The following C2CD3 variants were observed in gnomAD, a reference collection of about 807,000 sequenced individuals.
C2CD3 encodes C2 domain-containing protein 3.
C2CD3 carries 148 observed loss-of-function variants against 234.0 expected under a neutral mutation model. The observed-to-expected ratio is 0.63, with a 90% CI of 0.55 to 0.72. The LOEUF (loss-of-function observed/expected upper bound fraction) is 0.72, where lower values mean the gene tolerates loss of function less well. Among genes scored for constraint, C2CD3 ranks in the 30% least tolerant of loss-of-function variants. The pLI is 0.00. For synonymous variants in C2CD3, 1,000 were observed against 1,035.4 expected, an observed-to-expected ratio of 0.97 and a Z score of 0.66; for missense variants, 2,577 against 2,811.5, an observed-to-expected ratio of 0.92 and a Z score of 1.89.
intron 23 of C2CD3, 69 bp from the exon 24 acceptor site, chr11:74,074,669 ACT>A: frequency 7.9e-7 from 1 of 1,268,016 alleles, no homozygotes; most frequent in South Asian, 1.4e-5. Flanking sequence ...GGAAATACTC[ACT>A]GAGGGTGCTG....
At chr11:74,093,115 C>T (rs563218803) in intron 18 of C2CD3, among the ~76,000 whole-genome samples, 4 of 151,946 alleles carry the variant, frequency 2.6e-5, no homozygotes, top group East Asian at 1.9e-4. Flanking sequence ...AAAGTGTTCT[C>T]GCATGTGGAT....
At chr11:74,170,704 T>C in intron 1 of C2CD3, 34 bp downstream of exon 1, 1 of 1,613,986 alleles carries the variant, frequency 6.2e-7, no homozygotes, top group South Asian at 1.1e-5. Context: ...GCTCTCCTAT[T>C]ACGCTTTCCT....
intron 32 of C2CD3, among the ~76,000 whole-genome samples, chr11:74,025,715 G>A (rs965469299): frequency 5.9e-5 from 9 of 152,102 alleles, no homozygotes; most frequent in African/African-American, 1.9e-4. Flanking sequence ...GGGAGGATAC[G>A]AGGGCTGGAG....
At position 74,103,588 on chromosome 11, in the gene C2CD3, G is replaced by T. The variant is rs1334131537; in HGVS notation, c.2123C>A (p.Thr708Asn). 1 of 1,612,628 alleles carries T rather than the reference G, an allele frequency of 6.2e-7. No individual in the cohort carries two copies. Among genetic ancestry groups the T allele is most frequent in the African/African-American group, 1.3e-5 (1 of 74,872 alleles). The change falls in exon 14 of 33, where the codon ACT (threonine) becomes AAT (asparagine). Residue 708 changes from threonine to asparagine, a missense_variant. Coordinates refer to ENST00000334126, the MANE Select transcript of C2CD3 (RefSeq NM_001286577.2). ...MELITDNKDF[T>N]GINTKLSGNT... ...GCCACTTAACTTAGTATTGATACCA[G>T]TGAAATCTTTGTTATCTGTAATAAG...
At chr11:74,151,668 T>G (rs986282411) in intron 3 of C2CD3, among the ~76,000 whole-genome samples, 4 of 152,250 alleles carry the variant, frequency 2.6e-5, no homozygotes, top group Admixed American at 2.0e-4. Flanking sequence ...AAGTGCACAA[T>G]TTATAAAATT....
chr11:74,021,543 C>T (rs528147285), intron 32 of C2CD3, among the ~76,000 whole-genome samples: 4 of 152,146 alleles, frequency 2.6e-5, no homozygotes, highest in East Asian at 1.9e-4. Flanking sequence ...CAAGGCAGAG[C>T]GGGAGCAGCC....
At chr11:74,089,213 G>A (rs1297995328) in intron 20 of C2CD3, among the ~76,000 whole-genome samples, 1 of 152,108 alleles carries the variant, frequency 6.6e-6, no homozygotes, top group African/African-American at 2.4e-5. Context: ...CTGCTTTACT[G>A]TCTCAGTGAT....
At chr11:74,136,122 G>GAA (rs575109310) in intron 5 of C2CD3, among the ~76,000 whole-genome samples, 1 of 133,422 alleles carries the variant, frequency 7.5e-6, no homozygotes. Context: ...AAATAAAATT[G>GAA]AAAAAAAAAA....
intron 32 of C2CD3, among the ~76,000 whole-genome samples, chr11:74,019,593 T>A (rs1952007072): frequency 6.6e-6 from 1 of 152,162 alleles, no homozygotes; most frequent in Admixed American, 6.5e-5. Context: ...ACTGATCTGA[T>A]CTGGTGGCTT....
intron 30 of C2CD3, chr11:74,036,529 A>G (rs1453198788): frequency 2.2e-6 from 1 of 455,870 alleles, no homozygotes. Context: ...AGTGTTAATC[A>G]AGGTGTTTTT....
intron 24 of C2CD3, among the ~76,000 whole-genome samples, chr11:74,067,539 A>G (rs1294366241): frequency 6.6e-6 from 1 of 151,950 alleles, no homozygotes; most frequent in Non-Finnish European, 1.5e-5. Context: ...GAGTTACAGC[A>G]TATTTTTGAA....
At chr11:74,067,162 T>C (rs1954581025) in intron 24 of C2CD3, among the ~76,000 whole-genome samples, 2 of 152,076 alleles carry the variant, frequency 1.3e-5, no homozygotes, top group Admixed American at 1.3e-4. Context: ...TTTTCAGTCA[T>C]TTGTACTGGA....
At chr11:74,022,210 C>T (rs577492959) in intron 32 of C2CD3, among the ~76,000 whole-genome samples, 1 of 152,008 alleles carries the variant, frequency 6.6e-6, no homozygotes, top group South Asian at 2.1e-4. Context: ...GCTTAGGTGG[C>T]AGAATTAACA....
chr11:74,117,074 GAA>G (rs1957009283), intron 9 of C2CD3, among the ~76,000 whole-genome samples: 4 of 48,918 alleles, frequency 8.2e-5, no homozygotes, highest in Non-Finnish European at 1.3e-4. Context: ...ATATATATAT[GAA>G]TATATATATG....
intron 6 of C2CD3, 136 bp from the exon 7 acceptor site, chr11:74,133,108 T>G: frequency 1.2e-6 from 1 of 813,046 alleles, no homozygotes; most frequent in Non-Finnish European, 2.0e-6. Context: ...TAAATAAAAC[T>G]TTACACTTTG....
intron 13 of C2CD3, among the ~76,000 whole-genome samples, chr11:74,104,666 G>A (rs1956443911): frequency 6.6e-6 from 1 of 152,102 alleles, no homozygotes; most frequent in Non-Finnish European, 1.5e-5. Context: ...AAAGAAAAGG[G>A]AAGCAGGATA....
At position 74,054,655 on chromosome 11, in the gene C2CD3, G is replaced by A; in HGVS notation, c.5107C>T (p.Leu1703Phe). The A allele has an allele frequency of 6.2e-7, 1 of 1,612,270 alleles. No individual in the cohort carries two copies. The highest frequency in any genetic ancestry group is 8.5e-7 in the Non-Finnish European group (1 of 1,178,950). The change falls in exon 26 of 33, where the codon CTT becomes TTT. Residue 1703 changes from leucine to phenylalanine, a missense_variant. Coordinates refer to ENST00000334126, the MANE Select transcript of C2CD3 (RefSeq NM_001286577.2). ...QQQSRLSKEL[L>F]LDPQQTLVFK... ...ACCAGGGTTTGTTGTGGGTCCAGAA[G>A]CAGCTCTTTTGATAGCCTATTAAGA... is the stretch of plus-strand genomic sequence containing the variant.
chr11:74,018,898 G>T (rs1951974744), intron 32 of C2CD3, among the ~76,000 whole-genome samples: 1 of 152,054 alleles, frequency 6.6e-6, no homozygotes, highest in South Asian at 2.1e-4. Flanking sequence ...TTACCGATAT[G>T]CTCCCTCCGT....
At chr11:74,099,697 C>T (rs1478958122) in intron 15 of C2CD3, among the ~76,000 whole-genome samples, 1 of 152,092 alleles carries the variant, frequency 6.6e-6, no homozygotes, top group Admixed American at 6.5e-5. Context: ...GAGATCGAGA[C>T]TGTCCTGGTT....
Sources: gnomAD v4.1 joint callset for allele counts (sites outside exome capture counted in the v4.1 genomes callset) on GRCh38, gnomAD v4.1.1 for gene constraint, MANE v1.5 for transcripts, NCBI Gene and HGNC (gene_info 2026-07-23, HGNC 2026-07-21) for gene names.